LVRN: variants seen among roughly 807,000 people sequenced by gnomAD.
The protein encoded by LVRN is laeverin, also known as aminopeptidase Q.
A neutral mutation model predicts 111.4 loss-of-function variants in LVRN; 99 were observed. That is an observed-to-expected ratio of 0.89 (90% CI 0.76 to 1.05). The LOEUF (loss-of-function observed/expected upper bound fraction) is 1.05, where lower values mean the gene tolerates loss of function less well. Ranked by LOEUF, LVRN falls within the 50% of genes least tolerant of loss-of-function variation. The probability of loss-of-function intolerance (pLI) is 0.00; values close to 1 mark genes in which losing one functional copy is unlikely to be tolerated. For missense variants in LVRN, 1,414 were observed against 1,206.8 expected (o/e 1.17, Z -2.54); for synonymous variants, 488 against 449.5 (o/e 1.09, Z -1.08).
In LVRN at chr5:115,962,754, C is replaced by A. The variant is rs771820743; in HGVS notation, c.137C>A (p.Ser46Ter). Residue 46 changes from serine to a stop codon, truncating the protein, a stop_gained, in exon 1 of 20, where the codon TCG becomes TAG. Transcript: ENST00000357872. LOFTEE classifies it high-confidence loss of function. ...LYGHCERVPP[S>*]ELPGLRDLEA... ...GGCCACTGCGAGCGCGTCCCACCGT[C>A]GGAGCTGCCTGGACTCAGGGACTTG... 1 of 1,611,932 alleles carries A rather than the reference C, an allele frequency of 6.2e-7. No homozygotes were observed. The highest frequency in any genetic ancestry group is 8.5e-7 in the Non-Finnish European group (1 of 1,179,372).
intron 13 of LVRN, chr5:116,010,501 T>C (rs1274114412): frequency 5.3e-6 from 3 of 560,842 alleles, no homozygotes; most frequent in Non-Finnish European, 1.0e-5. Flanking sequence ...ACATTTGGCC[T>C]GAATTTTCTC....
At chr5:116,020,866 G>A (rs1194059448) in intron 18 of LVRN, among the ~76,000 whole-genome samples, 2 of 152,178 alleles carry the variant, frequency 1.3e-5, no homozygotes, top group South Asian at 2.1e-4. Context: ...CCACACTAAC[G>A]TTAGATGTTA....
Position 115,992,254 on chromosome 5 carries a change from G to A in LVRN, c.1237G>A (p.Val413Ile), listed in dbSNP as rs761742572. Residue 413 changes from valine to isoleucine, a missense_variant, in exon 5 of 20, where the codon GTC becomes ATC. Val to Ile is a conservative substitution (Grantham distance 29). Transcript: ENST00000357872. ...TEKKTLISYV[V>I]SHEIGHQWFG... ...AAAAAAGACTCTGATCTCCTATGTT[G>A]TCTCCCACGAGATTGGACACCAGGC... 6.2e-7 allele frequency: 1 copy of A among 1,613,706 alleles called. No homozygotes were observed. The highest frequency in any genetic ancestry group is 8.5e-7 in the Non-Finnish European group (1 of 1,179,892).
intron 1 of LVRN, among the ~76,000 whole-genome samples, chr5:115,978,843 A>T (rs1753504277): frequency 1.3e-5 from 2 of 152,106 alleles, no homozygotes; most frequent in Admixed American, 1.3e-4. Context: ...GAGGTGACAC[A>T]TAGGACTTCT....
intron 1 of LVRN, among the ~76,000 whole-genome samples, chr5:115,970,009 T>G (rs1305781862): frequency 6.6e-6 from 1 of 151,628 alleles, no homozygotes; most frequent in Non-Finnish European, 1.5e-5. Context: ...TCCTGGGTTA[T>G]CATGCACATT....
intron 1 of LVRN, among the ~76,000 whole-genome samples, chr5:115,982,625 G>A (rs1009102080): frequency 3.3e-5 from 5 of 152,088 alleles, no homozygotes; most frequent in African/African-American, 1.2e-4. Context: ...TCTGCTCGGG[G>A]TATTCTTGTC....
intron 2 of LVRN, among the ~76,000 whole-genome samples, 174 bp downstream of exon 2, chr5:115,983,603 T>G (rs1747770084): frequency 6.6e-6 from 1 of 152,182 alleles, no homozygotes; most frequent in Non-Finnish European, 1.5e-5. Flanking sequence ...TTGGAGATGG[T>G]AAATCCTGAT....
At chr5:115,969,535 C>T (rs776689355) in intron 1 of LVRN, among the ~76,000 whole-genome samples, 2 of 152,080 alleles carry the variant, frequency 1.3e-5, no homozygotes, top group Non-Finnish European at 2.9e-5. Flanking sequence ...TGGTGGCTCA[C>T]GCCTGTAATC....
chr5:115,992,143 T>G lies in LVRN; in HGVS notation c.1126T>G (p.Phe376Val). 6.2e-7 allele frequency: 1 copy of G among 1,613,498 alleles called. No homozygotes were observed. Among genetic ancestry groups the G allele is most frequent in the Non-Finnish European group, 8.5e-7 (1 of 1,179,746 alleles). Reference protein sequence around the residue: ...PKTDIIALPSFDNHAMENWGL... With the variant: ...PKTDIIALPSVDNHAMENWGL... ...CTTAGATATAATTGCCTTGCCTAGT[T>G]TTGACAACCATGCAATGGAAAACTG... Residue 376 changes from phenylalanine (F) to valine (V), a missense_variant, in exon 5 of 20, where the codon TTT becomes GTT. Transcript: ENST00000357872.
intron 3 of LVRN, among the ~76,000 whole-genome samples, chr5:115,985,688 C>T (rs764747551): frequency 6.6e-6 from 1 of 152,182 alleles, no homozygotes; most frequent in Non-Finnish European, 1.5e-5. Context: ...GCATGCAACA[C>T]TTTTTCTGAG....
chr5:116,010,903 A>C lies in LVRN; in HGVS notation c.2247+9A>C, dbSNP rs1580397117. Reference sequence around the variant, plus strand: ...TATACTCATTATTAAAGGTAATTTCATTCTTTCTTATGTAGTTTTTAAATA... The same window carrying C: ...TATACTCATTATTAAAGGTAATTTCCTTCTTTCTTATGTAGTTTTTAAATA... On this transcript the variant is annotated intron_variant, in intron 14 of 19. Coordinates refer to ENST00000357872, the MANE Select transcript of LVRN (RefSeq NM_173800.5). The C allele has an allele frequency of 6.5e-7, 1 of 1,539,916 alleles. No individual in the cohort carries two copies. Among genetic ancestry groups the C allele is most frequent in the South Asian group, 1.3e-5 (1 of 77,292 alleles).
Position 115,987,937 on chromosome 5 carries a change from C to G in LVRN, c.1103C>G (p.Thr368Arg). 6.2e-7 allele frequency: 1 copy of G among 1,609,064 alleles called. No homozygotes were observed. The highest frequency in any genetic ancestry group is 8.5e-7 in the Non-Finnish European group (1 of 1,178,420). Residue 368 changes from threonine (T) to arginine (R), a missense_variant and splice_region_variant, in exon 4 of 20, where the codon ACA (threonine) becomes AGA (arginine). Coordinates refer to ENST00000357872, the MANE Select transcript of LVRN (RefSeq NM_173800.5). ...LFNISYSLPK[T>R]DIIALPSFDN... is the part of the protein sequence containing the mutation. ...AATATCAGTTACTCTCTTCCAAAAACAGGTGAGGTAATCTTTTCCTTTCAG... is the reference window on the plus strand; with the variant it reads ...AATATCAGTTACTCTCTTCCAAAAAGAGGTGAGGTAATCTTTTCCTTTCAG...
chr5:115,987,520 T>C (rs1167821331), intron 3 of LVRN, among the ~76,000 whole-genome samples: 1 of 152,120 alleles, frequency 6.6e-6, no homozygotes, highest in Non-Finnish European at 1.5e-5. Flanking sequence ...CTACACTTAC[T>C]GTAGGGGTAG....
At chr5:116,014,627 A>C in intron 16 of LVRN, 100 bp downstream of exon 16, 1 of 950,516 alleles carries the variant, frequency 1.1e-6, no homozygotes, top group Non-Finnish European at 1.6e-6. Context: ...TTTTGCTTTC[A>C]CTTGGTTAGG....
chr5:115,995,044 C>G (rs947680108), intron 6 of LVRN, among the ~76,000 whole-genome samples: 1 of 152,166 alleles, frequency 6.6e-6, no homozygotes. Flanking sequence ...GACCTCTTTT[C>G]TCCTCCCTAC....
Position 116,003,281 on chromosome 5 carries a change from C to T in LVRN, c.1938C>T (p.Asp646=). 6.3e-7 allele frequency: 1 copy of T among 1,581,652 alleles called. No individual in the cohort carries two copies. Among genetic ancestry groups the T allele is most frequent in the Non-Finnish European group, 8.6e-7 (1 of 1,162,672 alleles). The part of the protein sequence containing the change: ...PEMQVSDSDH[D]WVILNLNMTG... ...TGCAAGTTTCAGATTCTGACCATGACTGGGTGATTTTGAATTTGAATATGA... is the reference window on the plus strand; with the variant it reads ...TGCAAGTTTCAGATTCTGACCATGATTGGGTGATTTTGAATTTGAATATGA... Residue 646 remains aspartate (D), a synonymous_variant, in exon 12 of 20, where the codon GAC becomes GAT. Transcript: ENST00000357872.
chr5:116,026,708 C>T lies in LVRN; in HGVS notation c.*590C>T, dbSNP rs1286195128. ...TGTGTCTTCTCCTGCCCATTTCTCT[C>T]TCCCACAGTACATCCTGCATTGAAC... is the stretch of plus-strand genomic sequence containing the variant. On this transcript the variant is annotated 3_prime_UTR_variant, in exon 20 of 20. Transcript: ENST00000357872. The T allele has an allele frequency of 1.3e-5, 2 of 157,230 alleles. No individual in the cohort carries two copies. The highest frequency in any genetic ancestry group is 4.8e-5 in the African/African-American group (2 of 41,488). The allele number at this position is 157,230 out of a possible 1,614,324, so 9.7% of individuals were successfully genotyped here. A position where few individuals can be genotyped will look rare whatever the true frequency, so the allele number is the denominator to read the frequency against.
intron 6 of LVRN, among the ~76,000 whole-genome samples, chr5:115,994,222 A>G (rs748384768): frequency 1.3e-5 from 2 of 152,098 alleles, no homozygotes; most frequent in African/African-American, 2.4e-5. Flanking sequence ...TTCCTACTAC[A>G]TATATTTCTT....
At chr5:116,000,706 A>T (rs775487737) in intron 9 of LVRN, 48 bp downstream of exon 9, 20 of 1,589,180 alleles carry the variant, frequency 1.3e-5, no homozygotes, top group Middle Eastern at 1.7e-4. Context: ...GTTTTGTATG[A>T]TACAGGAAAA....
Sources: gnomAD v4.1 joint callset for allele counts (sites outside exome capture counted in the v4.1 genomes callset) on GRCh38, gnomAD v4.1.1 for gene constraint, MANE v1.5 for transcripts, NCBI Gene and HGNC (gene_info 2026-07-23, HGNC 2026-07-21) for gene names.